NCKAP5: variants seen among roughly 807,000 people sequenced by gnomAD.
NCKAP5 encodes nck-associated protein 5.
A neutral mutation model predicts 167.0 loss-of-function variants in NCKAP5; 92 were observed. The ratio of observed to expected loss-of-function variants is 0.55; its 90% CI spans 0.47 to 0.66. The LOEUF is 0.66. Among genes scored for constraint, NCKAP5 ranks in the 30% least tolerant of loss-of-function variants. The probability of loss-of-function intolerance (pLI) is 0.00; values close to 1 mark genes in which losing one functional copy is unlikely to be tolerated. For missense variants in NCKAP5, 2,378 were observed against 2,315.0 expected (o/e 1.03, Z -0.56); for synonymous variants, 891 against 877.4 (o/e 1.02, Z -0.27).
chr2:133,437,812 C>T (rs1207573233), intron 3 of NCKAP5, among the ~76,000 whole-genome samples: 1 of 152,148 alleles, frequency 6.6e-6, no homozygotes, highest in Non-Finnish European at 1.5e-5. Flanking sequence ...TTAAAAGTGC[C>T]TACCACATAC....
chr2:132,808,263 C>T lies in NCKAP5; in HGVS notation c.808-11534G>A, dbSNP rs187356039. Among the ~76,000 whole-genome samples, 19 of 152,186 alleles carry T rather than the reference C, an allele frequency of 1.2e-4. No homozygotes were observed. In the East Asian group the frequency reaches 3.5e-3, roughly 28 times the overall value. ...TCCTGGTTTTGGTATTAGGGTGATGCTGGCTTCATATAATGAATTAGGGAA... is the reference window on the plus strand; with the variant it reads ...TCCTGGTTTTGGTATTAGGGTGATGTTGGCTTCATATAATGAATTAGGGAA... On this transcript the variant is annotated intron_variant, in intron 11 of 19. Transcript: ENST00000409261.
At chr2:132,700,582 A>C (rs1687784300) in intron 19 of NCKAP5, among the ~76,000 whole-genome samples, 2 of 152,162 alleles carry the variant, frequency 1.3e-5, no homozygotes, top group African/African-American at 4.8e-5. Flanking sequence ...TAAATCGGGA[A>C]TCCTTTCCCC....
intron 4 of NCKAP5, among the ~76,000 whole-genome samples, chr2:133,273,492 A>T (rs1359628915): frequency 6.6e-6 from 1 of 152,042 alleles, no homozygotes; most frequent in Non-Finnish European, 1.5e-5. Context: ...AGTTACAGGG[A>T]ATTTTTTAGA....
In NCKAP5 at chr2:133,387,004, G is replaced by A. The variant is rs142689878; in HGVS notation, c.70-83894C>T. Among the ~76,000 whole-genome samples, 226 of 152,208 alleles carry A rather than the reference G, an allele frequency of 1.5e-3. 6 individuals carry two copies. In the East Asian group the frequency reaches 0.035, roughly 24 times the overall value. On this transcript the variant is annotated intron_variant, in intron 3 of 19. Transcript: ENST00000409261. ...ATGGGTCTTGACTCTTATCCAATTT[G>A]CCAGTCTGTGTCTTTTAATTGGAGC...
chr2:133,082,028 C>G (rs2149594940), intron 6 of NCKAP5, among the ~76,000 whole-genome samples: 1 of 152,130 alleles, frequency 6.6e-6, no homozygotes, highest in East Asian at 1.9e-4. Context: ...CGATCCTCTC[C>G]CTCCTCCCAC....
chr2:133,147,472 GAT>G (rs1345846110), intron 5 of NCKAP5, among the ~76,000 whole-genome samples: 1 of 152,166 alleles, frequency 6.6e-6, no homozygotes, highest in Non-Finnish European at 1.5e-5. Flanking sequence ...ATTGTTGAAT[GAT>G]ATGAATAAGC....
chr2:132,794,662 C>CACACACACACAT (rs1684432788), intron 12 of NCKAP5, among the ~76,000 whole-genome samples: 1 of 144,656 alleles, frequency 6.9e-6, no homozygotes, highest in African/African-American at 2.9e-5. Flanking sequence ...CACACACACA[C>CACACACACACAT]ACACACACAC....
intron 6 of NCKAP5, among the ~76,000 whole-genome samples, chr2:133,096,952 T>C (rs2081362747): frequency 1.3e-5 from 2 of 152,226 alleles, no homozygotes; most frequent in South Asian, 2.1e-4. Context: ...CTCTATACAA[T>C]ACTTATGTGA....
chr2:133,248,136 A>T (rs1357024935), intron 4 of NCKAP5, among the ~76,000 whole-genome samples: 3 of 152,198 alleles, frequency 2.0e-5, no homozygotes, highest in Non-Finnish European at 2.9e-5. Context: ...AGTTGCTTTC[A>T]TATCAGCTGG....
intron 5 of NCKAP5, among the ~76,000 whole-genome samples, chr2:133,144,571 C>T (rs950717784): frequency 2.6e-5 from 4 of 152,062 alleles, no homozygotes; most frequent in Non-Finnish European, 4.4e-5. Context: ...GAAACTGTAG[C>T]TACTGTCGAA....
chr2:132,910,611 A>T (rs1282213291), intron 8 of NCKAP5, among the ~76,000 whole-genome samples: 2 of 152,208 alleles, frequency 1.3e-5, no homozygotes, highest in South Asian at 2.1e-4. Flanking sequence ...ATTCTTTTTC[A>T]TGGCTGAATA....
chr2:133,127,283 A>G lies in NCKAP5; in HGVS notation c.341+2695T>C, dbSNP rs971432883. 3.3e-5 allele frequency among the ~76,000 whole-genome samples: 5 copies of G among 152,326 alleles called. No individual in the cohort carries two copies. The South Asian group carries it at 1.0e-3, about 32-fold the overall frequency. On this transcript the variant is annotated intron_variant, in intron 6 of 19. Transcript: ENST00000409261. ...TTTAAACTGTGAAAGGCCATCAGAA[A>G]TGGTTCAGTAGGTCTACTCAAATTA...
At chr2:133,648,425 C>T in the NCKAP5 span, among the ~76,000 whole-genome samples, 8 of 152,056 alleles carry the variant, frequency 5.3e-5, no homozygotes, top group Non-Finnish European at 7.4e-5. Context: ...CAGACATATA[C>T]CAAATATTCC....
chr2:132,697,207 G>A (rs1687422020), intron 19 of NCKAP5, among the ~76,000 whole-genome samples: 2 of 152,270 alleles, frequency 1.3e-5, no homozygotes, highest in East Asian at 1.9e-4. Flanking sequence ...GCTTCTAACA[G>A]TTATCCCTTA....
At chr2:133,598,627 T>C in the NCKAP5 span, among the ~76,000 whole-genome samples, 1 of 152,176 alleles carries the variant, frequency 6.6e-6, no homozygotes, top group Non-Finnish European at 1.5e-5. Context: ...AATAGATTCC[T>C]TTCTTGTGAA....
chr2:132,952,291 G>C (rs1189614694), intron 8 of NCKAP5, among the ~76,000 whole-genome samples: 2 of 152,150 alleles, frequency 1.3e-5, no homozygotes, highest in Non-Finnish European at 2.9e-5. Flanking sequence ...CCTTCTCTGA[G>C]ATCTGGGGTT....
chr2:133,414,503 C>G (rs755896823), intron 3 of NCKAP5, among the ~76,000 whole-genome samples: 1 of 152,092 alleles, frequency 6.6e-6, no homozygotes, highest in East Asian at 1.9e-4. Flanking sequence ...AGGATAAATT[C>G]AGGTCATTCT....
chr2:133,588,895 G>C, the NCKAP5 span, among the ~76,000 whole-genome samples: 1 of 152,202 alleles, frequency 6.6e-6, no homozygotes, highest in Non-Finnish European at 1.5e-5. Context: ...ATGATCATCT[G>C]TTTGGTGTTG....
intron 11 of NCKAP5, among the ~76,000 whole-genome samples, chr2:132,806,374 A>G (rs573161775): frequency 6.6e-6 from 1 of 152,114 alleles, no homozygotes; most frequent in Admixed American, 6.6e-5. Flanking sequence ...TGGTTGTACT[A>G]GTTTACATTC....
Sources: allele counts gnomAD v4.1 joint callset (sites outside exome capture counted in the v4.1 genomes callset), GRCh38; gene constraint gnomAD v4.1.1; transcripts MANE v1.5; gene names NCBI Gene and HGNC (gene_info 2026-07-23, HGNC 2026-07-21).